PCDH9: variants seen among roughly 807,000 people sequenced by gnomAD.
The protein encoded by PCDH9 is protocadherin 9, also known as protocadherin-9.
Under a neutral mutation model 70.6 loss-of-function variants are expected in PCDH9, and 24 were observed. The ratio of observed to expected loss-of-function variants is 0.34; its 90% CI spans 0.25 to 0.48. The LOEUF (loss-of-function observed/expected upper bound fraction) is 0.48, where lower values mean the gene tolerates loss of function less well. Among genes scored for constraint, PCDH9 ranks in the 20% least tolerant of loss-of-function variants. PCDH9 has a pLI of 0.99. For missense variants in PCDH9, 1,281 were observed against 1,503.6 expected (o/e 0.85, Z 2.45); for synonymous variants, 562 against 558.5 (o/e 1.01, Z -0.09).
chr13:67,128,054 T>C (rs557092223), intron 2 of PCDH9, among the ~76,000 whole-genome samples: 3 of 152,140 alleles, frequency 2.0e-5, no homozygotes, highest in Admixed American at 6.5e-5. Context: ...TGGCAGGTAA[T>C]GTGATACATT....
intron 2 of PCDH9, chr13:67,214,935 G>GAGATATATAT (rs1555321189): frequency 1.1e-5 from 1 of 89,248 alleles, no homozygotes; most frequent in Non-Finnish European, 2.4e-5. Context: ...TTGCGAGCCA[G>GAGATATATAT]ATATATATAT....
chr13:66,848,220 C>A (rs570144136), intron 3 of PCDH9, among the ~76,000 whole-genome samples: 1 of 152,188 alleles, frequency 6.6e-6, no homozygotes, highest in East Asian at 1.9e-4. Context: ...AAGTATTAAG[C>A]TTAATAAAAA....
At chr13:66,609,674 T>C (rs2077266487) in intron 4 of PCDH9, among the ~76,000 whole-genome samples, 1 of 152,060 alleles carries the variant, frequency 6.6e-6, no homozygotes. Context: ...ATTCTGTACA[T>C]GTCTTTTTTC....
intron 2 of PCDH9, among the ~76,000 whole-genome samples, chr13:66,937,723 C>G (rs1006695791): frequency 6.6e-6 from 1 of 152,156 alleles, no homozygotes; most frequent in Admixed American, 6.5e-5. Flanking sequence ...TCATAGACTG[C>G]TGAATGTTCA....
intron 4 of PCDH9, among the ~76,000 whole-genome samples, chr13:66,542,815 C>A (rs57820122): frequency 0.014 from 2,077 of 147,100 alleles, 63 homozygotes; most frequent in African/African-American, 0.05. Flanking sequence ...ATATATATAT[C>A]TATCTCCCAT....
intron 2 of PCDH9, among the ~76,000 whole-genome samples, chr13:67,143,503 C>T (rs934881874): frequency 9.2e-5 from 14 of 152,138 alleles, no homozygotes; most frequent in African/African-American, 3.1e-4. Context: ...TCCCCTTGTT[C>T]ACTTTTACTC....
chr13:66,655,003 G>A (rs981617577), intron 3 of PCDH9, among the ~76,000 whole-genome samples: 2 of 151,992 alleles, frequency 1.3e-5, no homozygotes, highest in Admixed American at 1.3e-4. Context: ...TAGGATTATA[G>A]GGGTGAGCCA....
rs557285321 is a variant in PCDH9 at position 66,835,205 on chromosome 13, T to C, written c.3138+68299A>G. ...TGGCAGCTTTTAAAGTCTGTTTTTG[T>C]AGGAAATTGCCTCTTGGAGCATATA... On this transcript the variant is annotated intron_variant, in intron 3 of 4. Coordinates refer to ENST00000377865, the MANE Select transcript of PCDH9 (RefSeq NM_203487.3). Among the ~76,000 whole-genome samples the C allele has an allele frequency of 1.4e-4, 21 of 152,306 alleles. No homozygotes were observed. The South Asian group carries it at 4.4e-3, about 32-fold the overall frequency.
At chr13:66,905,858 T>G (rs1014393418) in intron 2 of PCDH9, among the ~76,000 whole-genome samples, 2 of 152,196 alleles carry the variant, frequency 1.3e-5, no homozygotes, top group Non-Finnish European at 2.9e-5. Context: ...TGCCATTTGC[T>G]GAAGGATTTG....
intron 4 of PCDH9, among the ~76,000 whole-genome samples, chr13:66,310,464 T>C (rs1955543126): frequency 6.6e-6 from 1 of 152,048 alleles, no homozygotes; most frequent in Non-Finnish European, 1.5e-5. Flanking sequence ...GATGTCATTT[T>C]ACTATAACCA....
intron 2 of PCDH9, among the ~76,000 whole-genome samples, chr13:67,039,242 G>C (rs756996555): frequency 6.6e-6 from 1 of 152,234 alleles, no homozygotes; most frequent in East Asian, 1.9e-4. Context: ...CAGATTGAAG[G>C]TCCCATAACC....
chr13:66,944,037 A>C (rs575077096), intron 2 of PCDH9, among the ~76,000 whole-genome samples: 2 of 146,964 alleles, frequency 1.4e-5, no homozygotes, highest in Non-Finnish European at 1.5e-5. Context: ...TATTGTGAGA[A>C]TCAAATGAAA....
At chr13:66,805,577 C>T (rs956277) in intron 3 of PCDH9, among the ~76,000 whole-genome samples, 27,220 of 152,008 alleles carry the variant, frequency 0.18, 2,657 homozygotes, top group South Asian at 0.25. Flanking sequence ...GGTTCACTGA[C>T]GTTAAATAAC....
chr13:67,200,546 G>T (rs2089184118), intron 2 of PCDH9, among the ~76,000 whole-genome samples: 1 of 152,042 alleles, frequency 6.6e-6, no homozygotes, highest in African/African-American at 2.4e-5. Context: ...TAAGAGTCTA[G>T]CTTTACCATT....
chr13:66,682,934 G>A (rs1286492986), intron 3 of PCDH9, among the ~76,000 whole-genome samples: 1 of 152,164 alleles, frequency 6.6e-6, no homozygotes, highest in African/African-American at 2.4e-5. Context: ...TAGCTGCAGA[G>A]AGAATGGGAT....
chr13:67,103,216 C>T (rs2086468170), intron 2 of PCDH9, among the ~76,000 whole-genome samples: 1 of 151,910 alleles, frequency 6.6e-6, no homozygotes, highest in South Asian at 2.1e-4. Context: ...AGGAAAATAA[C>T]ACAAATCATG....
At chr13:66,686,985 A>C (rs1426366867) in intron 3 of PCDH9, among the ~76,000 whole-genome samples, 5 of 152,166 alleles carry the variant, frequency 3.3e-5, no homozygotes, top group Non-Finnish European at 7.4e-5. Context: ...CTGGCTTCTA[A>C]TTGTGCCCCC....
chr13:66,380,059 TCAA>T (rs1956817987), intron 4 of PCDH9, among the ~76,000 whole-genome samples: 2 of 152,154 alleles, frequency 1.3e-5, no homozygotes, highest in South Asian at 4.1e-4. Context: ...CCTAGTTAAA[TCAA>T]CAGTCATTCA....
chr13:66,312,274 G>A (rs2138066174), intron 4 of PCDH9, among the ~76,000 whole-genome samples: 1 of 152,224 alleles, frequency 6.6e-6, no homozygotes. Context: ...GATACAACAT[G>A]AGAATCAAAC....
Sources: allele counts gnomAD v4.1 joint callset (sites outside exome capture counted in the v4.1 genomes callset), GRCh38; gene constraint gnomAD v4.1.1; transcripts MANE v1.5; gene names NCBI Gene and HGNC (gene_info 2026-07-23, HGNC 2026-07-21).